CNOT3: variants seen among roughly 807,000 people sequenced by gnomAD.
CNOT3 encodes CCR4-associated factor 3.
CNOT3 carries 2 observed loss-of-function variants against 89.4 expected under a neutral mutation model. The ratio of observed to expected loss-of-function variants is 0.02; its 90% confidence interval spans 0.01 to 0.07. The LOEUF (loss-of-function observed/expected upper bound fraction) is 0.07, where lower values mean the gene tolerates loss of function less well. CNOT3 is among the 10% of genes least tolerant of loss of function. The probability of loss-of-function intolerance (pLI) is 1.00; values close to 1 mark genes in which losing one functional copy is unlikely to be tolerated. For synonymous variants in CNOT3, 486 were observed against 402.0 expected, an observed-to-expected ratio of 1.21 and a Z score of -2.50; for missense variants, 664 against 1,010.2, an observed-to-expected ratio of 0.66 and a Z score of 4.65.
rs1418850252 is a variant in CNOT3, at chr19:54,151,779, C to T, written c.1606-447C>T. Among the ~76,000 whole-genome samples, 5 of 152,162 alleles carry T rather than the reference C, an allele frequency of 3.3e-5. No individual in the cohort carries two copies. In the East Asian group the frequency reaches 5.8e-4, roughly 18 times the overall value. Reference sequence around the variant, plus strand: ...CCACCCCGATTCCAGTCACCCCATGCCAGTCACAGGCAGACAGCTGAGCAT... The same window carrying T: ...CCACCCCGATTCCAGTCACCCCATGTCAGTCACAGGCAGACAGCTGAGCAT... On this transcript the variant is annotated intron_variant, in intron 13 of 17. Coordinates refer to ENST00000221232, the MANE Select transcript of CNOT3 (RefSeq NM_014516.4).
Position 54,146,012 on chromosome 19 carries a change from C to G in CNOT3, c.806C>G (p.Pro269Arg). Residue 269 changes from proline to arginine, a missense_variant, in exon 9 of 18, where the codon CCC becomes CGC. Physicochemically the swap from Pro to Arg is moderately radical, Grantham distance 103. Transcript: ENST00000221232. ...CCCACCTCAACCACCTCCAGCTCTC[C>G]CATCCCGCCCAGCCCAGCCAACTGT... Reference protein sequence around the residue: ...STPTSTTSSSPIPPSPANCTT... With the variant: ...STPTSTTSSSRIPPSPANCTT... 1 of 1,612,918 alleles carries G rather than the reference C, an allele frequency of 6.2e-7. No individual in the cohort carries two copies. The highest frequency in any genetic ancestry group is 8.5e-7 in the Non-Finnish European group (1 of 1,179,066).
chr19:54,141,908 T>C (rs1480096867), intron 1 of CNOT3: 1 of 152,232 alleles, frequency 6.6e-6, no homozygotes, highest in African/African-American at 2.4e-5. Flanking sequence ...TCCCCTGGTC[T>C]CGCTGTCAGG....
intron 1 of CNOT3, among the ~76,000 whole-genome samples, 160 bp downstream of exon 1, chr19:54,138,153 C>T (rs1192257542): frequency 1.3e-5 from 2 of 151,940 alleles, no homozygotes; most frequent in Non-Finnish European, 2.9e-5. Flanking sequence ...GCGCGGGGCT[C>T]CCGGCGGGGG....
intron 3 of CNOT3, 96 bp downstream of exon 3, chr19:54,143,282 A>G (rs1600417980): frequency 1.6e-6 from 2 of 1,246,288 alleles, no homozygotes; most frequent in Non-Finnish European, 2.4e-6. Context: ...GGGAGGGGCT[A>G]CATATGCAGA....
Position 54,149,776 on chromosome 19 carries a change from C to T in CNOT3, c.1605+18C>T, listed in dbSNP as rs1166037387. The T allele has an allele frequency of 6.3e-7, 1 of 1,581,794 alleles. No homozygotes were observed. The highest frequency in any genetic ancestry group is 2.3e-5 in the East Asian group (1 of 42,606). On this transcript the variant is annotated intron_variant, in intron 13 of 17. Coordinates refer to ENST00000221232, the MANE Select transcript of CNOT3 (RefSeq NM_014516.4). ...AAATCAAGGTGGGCTCCTCGGACAT[C>T]CCCCGAGCCTCTGTGTCCTGACTCT... is the stretch of plus-strand genomic sequence containing the variant.
At position 54,144,698 on chromosome 19, in the gene CNOT3, C is replaced by A. The variant is rs1329193873; in HGVS notation, c.483+366C>A. On this transcript the variant is annotated intron_variant, in intron 7 of 17. Transcript: ENST00000221232. The surrounding 1 kb of genome is among the most constrained non-coding windows in gnomAD (Gnocchi z 4.8). ...CTCCTGGCACCCAGAGGGCCCTGGT[C>A]CTAGGGAGAGCACAGTGGGTAGAGA... Among the ~76,000 whole-genome samples, 2 of 152,082 alleles carry A rather than the reference C, an allele frequency of 1.3e-5. No homozygotes were observed. The highest frequency in any genetic ancestry group is 4.8e-5 in the African/African-American group (2 of 41,408).
rs763205731 is a variant in CNOT3 at position 54,153,262 on chromosome 19, T to C, written c.2037+263T>C. Reference sequence around the variant, plus strand: ...CTCAGCCCCGCTTCCAGTTGCCCACTGGCTCACCCGCGGCCCCTCCCCAGC... The same window carrying C: ...CTCAGCCCCGCTTCCAGTTGCCCACCGGCTCACCCGCGGCCCCTCCCCAGC... On this transcript the variant is annotated intron_variant, in intron 16 of 17. Coordinates refer to ENST00000221232, the MANE Select transcript of CNOT3 (RefSeq NM_014516.4). 1.3e-5 allele frequency: 10 copies of C among 762,080 alleles called. No homozygotes were observed. In the African/African-American group the frequency reaches 1.7e-4, roughly 13 times the overall value. 47.2% of individuals were successfully genotyped at this position (762,080 alleles called of 1,614,324 possible).
rs368246052 is a variant in CNOT3, at chr19:54,153,849, C to G, written c.2163+9C>G. On this transcript the variant is annotated intron_variant, in intron 17 of 17. Transcript: ENST00000221232. ...CTGACGAGTTTGAGCAGGTGAGGGC[C>G]CCGCCCCCTCTCTTCCCGCTGCTAG... 6.2e-7 allele frequency: 1 copy of G among 1,614,116 alleles called. No homozygotes were observed. Among genetic ancestry groups the G allele is most frequent in the Non-Finnish European group, 8.5e-7 (1 of 1,179,968 alleles).
intron 17 of CNOT3, 124 bp downstream of exon 17, chr19:54,153,964 G>T: frequency 8.2e-7 from 1 of 1,219,686 alleles, no homozygotes; most frequent in South Asian, 1.2e-5. Flanking sequence ...CCCTCAGCCT[G>T]ACCAAGTACT....
At position 54,146,017 on chromosome 19, in the gene CNOT3, C is replaced by T. The variant is rs745857470; in HGVS notation, c.811C>T (p.Pro271Ser). The T allele has an allele frequency of 6.2e-7, 1 of 1,613,140 alleles. No individual in the cohort carries two copies. The highest frequency in any genetic ancestry group is 1.7e-5 in the Admixed American group (1 of 60,026). ...PTSTTSSSPIPPSPANCTTEN... is the reference protein window; with the variant it reads ...PTSTTSSSPISPSPANCTTEN... ...CTCAACCACCTCCAGCTCTCCCATC[C>T]CGCCCAGCCCAGCCAACTGTACCAC... Residue 271 changes from proline to serine, a missense_variant, in exon 9 of 18, where the codon CCG becomes TCG. Around this residue, in one of 8 missense-constraint regions of CNOT3, gnomAD observed 545 missense variants for 566.2 expected, o/e 0.96. Coordinates refer to ENST00000221232, the MANE Select transcript of CNOT3 (RefSeq NM_014516.4).
In CNOT3 at chr19:54,147,264, G is replaced by A. The variant is rs150046253; in HGVS notation, c.894+607G>A. ...CGCTGCTACAGAACAATGTTAGGCAGGAGCAGCATGGGCCTGAGGCCCCTC... is the reference window on the plus strand; with the variant it reads ...CGCTGCTACAGAACAATGTTAGGCAAGAGCAGCATGGGCCTGAGGCCCCTC... On this transcript the variant is annotated intron_variant, in intron 10 of 17. Coordinates refer to ENST00000221232, the MANE Select transcript of CNOT3 (RefSeq NM_014516.4). Among the ~76,000 whole-genome samples the A allele has an allele frequency of 6.9e-3, 1,050 of 152,392 alleles. 10 individuals are homozygous for A. Among genetic ancestry groups the A allele is most frequent in the African/African-American group, 0.024 (981 of 41,590 alleles).
At chr19:54,150,505 A>G (rs1318434803) in intron 13 of CNOT3, among the ~76,000 whole-genome samples, 1 of 148,764 alleles carries the variant, frequency 6.7e-6, no homozygotes, top group Non-Finnish European at 1.5e-5. Context: ...GAGGGTCAGG[A>G]GCTGGGGCTT....
rs1408544716 is a variant in CNOT3 at position 54,149,545 on chromosome 19, A to C, written c.1407-15A>C. On this transcript the variant is annotated splice_polypyrimidine_tract_variant and intron_variant, in intron 12 of 17. Transcript: ENST00000221232. The stretch of plus-strand genomic sequence containing the variant: ...GACCCTCCTCTCAACCCCCTCTTCC[A>C]TGCTCTCTCTCCAGGAAGGAACCCA... 3.3e-6 allele frequency: 5 copies of C among 1,531,240 alleles called. No homozygotes were observed. In the African/African-American group the frequency reaches 5.6e-5, roughly 17 times the overall value. 94.9% of individuals were successfully genotyped at this position (1,531,240 alleles called of 1,614,324 possible).
intron 1 of CNOT3, among the ~76,000 whole-genome samples, chr19:54,138,275 C>G (rs2074299809): frequency 6.6e-6 from 1 of 152,170 alleles, no homozygotes; most frequent in Non-Finnish European, 1.5e-5. Context: ...GCCGCCTCCC[C>G]GCGTGGCATC....
intron 4 of CNOT3, 45 bp from the exon 5 acceptor site, chr19:54,143,615 T>G: frequency 3.1e-6 from 5 of 1,605,732 alleles, no homozygotes; most frequent in Non-Finnish European, 4.3e-6. Context: ...TGGGCCCCAG[T>G]TCCTGGGTCC....
chr19:54,143,557 A>T (rs1447614159), intron 4 of CNOT3, 41 bp downstream of exon 4: 2 of 1,609,552 alleles, frequency 1.2e-6, no homozygotes, highest in Non-Finnish European at 1.7e-6. Context: ...TCCTGAGGGT[A>T]GAGGGAACTG....
chr19:54,148,607 T>C lies in CNOT3; in HGVS notation c.1283-13T>C. On this transcript the variant is annotated splice_polypyrimidine_tract_variant and intron_variant, in intron 11 of 17. Transcript: ENST00000221232. This position sits in a 1 kb window ranked among gnomAD's most constrained non-coding sequence, Gnocchi z 6.3. ...GCAGGCAGCAGCCCTTTCCATTTAC[T>C]CTTTGTTCCCAGGTTACAGCTCAGT... The C allele has an allele frequency of 6.2e-7, 1 of 1,607,964 alleles. No individual in the cohort carries two copies. Among genetic ancestry groups the C allele is most frequent in the Non-Finnish European group, 8.5e-7 (1 of 1,177,242 alleles).
rs587736044 is a variant in CNOT3, at chr19:54,148,837, C to G, written c.1406+94C>G. 1,286 of 1,151,550 alleles carry G rather than the reference C, an allele frequency of 1.1e-3. 3 individuals are homozygous for G. Among genetic ancestry groups the G allele is most frequent in the Non-Finnish European group, 1.4e-3 (1,187 of 820,240 alleles). The allele number at this position is 1,151,550 out of a possible 1,614,324, so 71.3% of individuals were successfully genotyped here. On this transcript the variant is annotated intron_variant, in intron 12 of 17. Coordinates refer to ENST00000221232, the MANE Select transcript of CNOT3 (RefSeq NM_014516.4). This position sits in a 1 kb window ranked among gnomAD's most constrained non-coding sequence, Gnocchi z 6.3. ...CCCCCGCATCGGTGGGTTCTGAACC[C>G]CCCGCCCTTGCTGCTGGGAATGGCC...
In CNOT3 at chr19:54,146,135, C is replaced by T. The variant is rs1188683443; in HGVS notation, c.837+92C>T. On this transcript the variant is annotated intron_variant, in intron 9 of 17. Transcript: ENST00000221232. ...GGTCACTCCAAAGTGGCTATGGGAGCGTAATTGAGGAAACACAGATCTAGG... is the reference window on the plus strand; with the variant it reads ...GGTCACTCCAAAGTGGCTATGGGAGTGTAATTGAGGAAACACAGATCTAGG... 24 of 1,406,618 alleles carry T rather than the reference C, an allele frequency of 1.7e-5. No individual in the cohort carries two copies. The East Asian group carries it at 3.0e-4, about 18-fold the overall frequency. The allele number at this position is 1,406,618 out of a possible 1,614,324, so 87.1% of individuals were successfully genotyped here.
Sources: gnomAD v4.1 joint callset for allele counts (sites outside exome capture counted in the v4.1 genomes callset) on GRCh38, gnomAD v4.1.1 for gene constraint, gnomAD v4.1.1 regional missense constraint, Gnocchi (gnomAD v3.1) non-coding constraint, MANE v1.5 for transcripts, NCBI Gene and HGNC (gene_info 2026-07-23, HGNC 2026-07-21) for gene names.